Variants in UGT1A5 observed in about 807,000 individuals in gnomAD.
The protein encoded by UGT1A5 is UDP glucuronosyltransferase family 1 member A5.
In UGT1A5, 29 loss-of-function variants were observed where a neutral mutation model predicts 40.3. The observed-to-expected ratio is 0.72, with a 90% CI of 0.54 to 0.98. UGT1A5 has a LOEUF of 0.98. Among genes scored for constraint, UGT1A5 ranks in the 50% least tolerant of loss-of-function variants. The pLI is 0.00. For synonymous variants in UGT1A5, 257 were observed against 262.5 expected (o/e 0.98, Z 0.20); for missense variants, 678 against 677.9 (o/e 1.00, Z 0.00).
intron 1 of UGT1A5, among the ~76,000 whole-genome samples, chr2:233,717,379 C>T (rs2076569575): frequency 6.6e-6 from 1 of 152,218 alleles, no homozygotes; most frequent in Non-Finnish European, 1.5e-5. Flanking sequence ...CCTTACAGAC[C>T]TGCCCTCTCT....
In UGT1A5 at chr2:233,772,261, G is replaced by A. The variant is rs1212085876; in HGVS notation, c.1308-1G>A. On this transcript the variant is annotated splice_acceptor_variant, in intron 4 of 4. Coordinates refer to ENST00000373414, the MANE Select transcript of UGT1A5 (RefSeq NM_019078.2). LOFTEE classifies it high-confidence loss of function. ...CATAACGAAACTGTCTTTGTGTTTA[G>A]TTACAAGGAGAACATCATGCGCCTC... The A allele has an allele frequency of 1.9e-5, 30 of 1,614,162 alleles. No homozygotes were observed. Among genetic ancestry groups the A allele is most frequent in the Non-Finnish European group, 2.5e-5 (30 of 1,180,064 alleles).
At chr2:233,741,345 A>C (rs1260340579) in intron 1 of UGT1A5, among the ~76,000 whole-genome samples, 2 of 151,734 alleles carry the variant, frequency 1.3e-5, no homozygotes, top group African/African-American at 2.4e-5. Flanking sequence ...AGTGATTTCC[A>C]ACACACAAAA....
At chr2:233,724,263 A>G (rs1575551181) in intron 1 of UGT1A5, among the ~76,000 whole-genome samples, 11 of 125,726 alleles carry the variant, frequency 8.7e-5, no homozygotes, top group Admixed American at 7.6e-4. Context: ...CACCTCCCGG[A>G]CGGGGCGGCT....
At chr2:233,759,853 T>C (rs938114684) in intron 1 of UGT1A5, among the ~76,000 whole-genome samples, 15 of 152,176 alleles carry the variant, frequency 9.9e-5, no homozygotes, top group African/African-American at 3.6e-4. Context: ...CAGGTTTCCA[T>C]GGCGAAAGCG....
intron 1 of UGT1A5, among the ~76,000 whole-genome samples, chr2:233,733,693 C>T (rs2078430243): frequency 6.6e-6 from 1 of 152,134 alleles, no homozygotes; most frequent in Non-Finnish European, 1.5e-5. Flanking sequence ...TGATGTGCTG[C>T]TGGATTTGGT....
chr2:233,723,946 G>C (rs1413540924), intron 1 of UGT1A5, among the ~76,000 whole-genome samples: 2 of 53,094 alleles, frequency 3.8e-5, no homozygotes, highest in Non-Finnish European at 6.6e-5. Flanking sequence ...ACACAGACAC[G>C]GCAACCATCC....
At chr2:233,723,922 G>A (rs1482507868) in intron 1 of UGT1A5, among the ~76,000 whole-genome samples, 1 of 49,060 alleles carries the variant, frequency 2.0e-5, no homozygotes, top group Non-Finnish European at 3.5e-5. Flanking sequence ...AGTCTCCCAT[G>A]TCTACTTCTT....
chr2:233,750,227 A>G (rs977533582), intron 1 of UGT1A5, among the ~76,000 whole-genome samples: 2 of 151,900 alleles, frequency 1.3e-5, no homozygotes, highest in African/African-American at 4.9e-5. Context: ...GAGATGAGGA[A>G]CTTATTGGGA....
intron 1 of UGT1A5, chr2:233,719,109 A>G (rs1473237971): frequency 1.9e-6 from 3 of 1,614,122 alleles, no homozygotes; most frequent in South Asian, 2.2e-5. Flanking sequence ...GCTGGGCTAC[A>G]CTCAAGGGTT....
intron 1 of UGT1A5, among the ~76,000 whole-genome samples, chr2:233,751,532 C>T (rs1375355946): frequency 6.6e-6 from 1 of 152,214 alleles, no homozygotes; most frequent in Non-Finnish European, 1.5e-5. Context: ...TATGGTTTGA[C>T]TCTGTGTTTC....
chr2:233,760,568 G>A (rs1252353903), intron 1 of UGT1A5: 1 of 1,614,246 alleles, frequency 6.2e-7, no homozygotes, highest in Non-Finnish European at 8.5e-7. Context: ...TCTTTTGTTA[G>A]TCTCGGGCAT....
intron 1 of UGT1A5, chr2:233,729,153 G>T: frequency 6.2e-7 from 1 of 1,613,546 alleles, no homozygotes; most frequent in African/African-American, 1.3e-5. Context: ...AGGTTCCCCT[G>T]CCGTGGCTGG....
intron 1 of UGT1A5, chr2:233,747,771 T>C (rs1693772366): frequency 2.5e-6 from 4 of 1,613,546 alleles, no homozygotes; most frequent in Non-Finnish European, 3.4e-6. Context: ...GGGCACACAG[T>C]GTCCAAATCC....
At chr2:233,754,914 A>G (rs755182850) in intron 1 of UGT1A5, 33 of 1,353,478 alleles carry the variant, frequency 2.4e-5, no homozygotes, top group Non-Finnish European at 3.2e-5. Flanking sequence ...AATATTCTCC[A>G]GCGGGTTTCC....
chr2:233,751,961 T>G (rs923784516), intron 1 of UGT1A5, among the ~76,000 whole-genome samples: 8 of 152,012 alleles, frequency 5.3e-5, no homozygotes, highest in African/African-American at 1.9e-4. Context: ...TAAAGGAGAG[T>G]CTGAGAAAAG....
In UGT1A5 at chr2:233,728,580, C is replaced by T. The variant is rs28898616; in HGVS notation, c.867+14722C>T. ...ACAAGAAATATCCTGGTGCGAAAAA[C>T]GACCAAAACCACATAGCCAGCCTCC... On this transcript the variant is annotated intron_variant, in intron 1 of 4. Transcript: ENST00000373414. Among the ~76,000 whole-genome samples, 824 of 152,300 alleles carry T rather than the reference C, an allele frequency of 5.4e-3. 4 individuals are homozygous for T. Among genetic ancestry groups the T allele is most frequent in the African/African-American group, 0.019 (777 of 41,552 alleles).
rs1385848693 is a variant in UGT1A5 at position 233,725,062 on chromosome 2, C to G, written c.867+11204C>G. On this transcript the variant is annotated intron_variant, in intron 1 of 4. Transcript: ENST00000373414. ...ACCAGTCAGGCGTGGCGGCGCGCGC[C>G]TGCAATCGCAGGCACTCGGCAGGCT... 1.4e-5 allele frequency among the ~76,000 whole-genome samples: 2 copies of G among 147,098 alleles called. 1 individual carries two copies. Among genetic ancestry groups the G allele is most frequent in the East Asian group, 4.2e-4 (2 of 4,760 alleles).
intron 1 of UGT1A5, among the ~76,000 whole-genome samples, chr2:233,716,781 G>A (rs2076525063): frequency 6.6e-6 from 1 of 152,150 alleles, no homozygotes; most frequent in Admixed American, 6.5e-5. Context: ...TCAGGCTTTC[G>A]GGATGCCTTT....
intron 1 of UGT1A5, among the ~76,000 whole-genome samples, chr2:233,742,171 A>G (rs758194375): frequency 2.0e-5 from 3 of 151,946 alleles, no homozygotes; most frequent in Non-Finnish European, 2.9e-5. Context: ...CACACACAGA[A>G]ATATAGAGTG....
Sources: allele counts gnomAD v4.1 joint callset (sites outside exome capture counted in the v4.1 genomes callset), GRCh38; gene constraint gnomAD v4.1.1; transcripts MANE v1.5; gene names NCBI Gene and HGNC (gene_info 2026-07-23, HGNC 2026-07-21).